Variants in PALD1 observed in about 807,000 individuals in gnomAD.
The protein encoded by PALD1 is paladin.
Under a neutral mutation model 96.0 loss-of-function variants are expected in PALD1, and 57 were observed. The observed-to-expected ratio is 0.59, with a 90% CI of 0.48 to 0.74. PALD1 has a LOEUF of 0.74. PALD1 is among the 30% of genes least tolerant of loss of function. The pLI is 0.00. For synonymous variants in PALD1, 464 were observed against 473.6 expected, an observed-to-expected ratio of 0.98 and a Z score of 0.26; for missense variants, 1,063 against 1,143.7, an observed-to-expected ratio of 0.93 and a Z score of 1.02.
intron 1 of PALD1, among the ~76,000 whole-genome samples, chr10:70,518,264 A>G (rs1846657128): frequency 6.6e-6 from 1 of 152,156 alleles, no homozygotes; most frequent in South Asian, 2.1e-4. Flanking sequence ...CAGTTGATGG[A>G]CATTAAGTTG....
At chr10:70,520,353 T>G (rs1374357174) in intron 1 of PALD1, among the ~76,000 whole-genome samples, 1 of 152,156 alleles carries the variant, frequency 6.6e-6, no homozygotes, top group Non-Finnish European at 1.5e-5. Flanking sequence ...AAACCAAGAT[T>G]GGAATGGTGA....
Position 70,525,930 on chromosome 10 carries a change from G to T in PALD1, c.-22G>T, listed in dbSNP as rs1415100414. ...CACCCTCTTATCCTACAGGTCTGGG[G>T]TCCTGAGGCTGCTGGCAGACTATGG... is the stretch of plus-strand genomic sequence containing the variant. On this transcript the variant is annotated 5_prime_UTR_variant, in exon 2 of 20. Coordinates refer to ENST00000263563, the MANE Select transcript of PALD1 (RefSeq NM_014431.3). 10 of 1,613,216 alleles carry T rather than the reference G, an allele frequency of 6.2e-6. No individual in the cohort carries two copies. Among genetic ancestry groups the T allele is most frequent in the Non-Finnish European group, 6.8e-6 (8 of 1,179,810 alleles).
Position 70,540,141 on chromosome 10 carries a change from GGTGTGTGTGTATTCTGTTACAGGT to G in PALD1, c.1908+393_1908+416del, listed in dbSNP as rs1387444816. ...GTTATAGGTGTGTGTGTGTTATCGGGGTGTGTGTGTATTCTGTTACAGGTGTGTGTGTGTATTTGTTATAAGGTG... is the reference window on the plus strand; with the variant it reads ...GTTATAGGTGTGTGTGTGTTATCGGGGTGTGTGTGTATTTGTTATAAGGTG... On this transcript the variant is annotated intron_variant, in intron 15 of 19. Coordinates refer to ENST00000263563, the MANE Select transcript of PALD1 (RefSeq NM_014431.3). This position sits in a 1 kb window ranked among gnomAD's most constrained non-coding sequence, Gnocchi z 4.2. 6.6e-6 allele frequency among the ~76,000 whole-genome samples: 1 copy of G among 151,468 alleles called. No individual in the cohort carries two copies. The highest frequency in any genetic ancestry group is 1.5e-5 in the Non-Finnish European group (1 of 67,806).
chr10:70,550,745 T>G (rs1003396865), intron 18 of PALD1, among the ~76,000 whole-genome samples: 3 of 152,248 alleles, frequency 2.0e-5, no homozygotes, highest in Admixed American at 1.3e-4. Context: ...TGTGTCTGGC[T>G]TCTTTCACTT....
chr10:70,469,473 G>A, the PALD1 span, among the ~76,000 whole-genome samples: 1 of 152,144 alleles, frequency 6.6e-6, no homozygotes, highest in Non-Finnish European at 1.5e-5. Context: ...GAGCTCCGGC[G>A]GCTGCTAGTT....
chr10:70,528,026 C>T (rs527441743), intron 2 of PALD1, among the ~76,000 whole-genome samples: 14 of 151,692 alleles, frequency 9.2e-5, no homozygotes, highest in African/African-American at 3.4e-4. Context: ...TGAGAACATG[C>T]GGTGTTTGGT....
chr10:70,527,822 G>A (rs541494478), intron 2 of PALD1, among the ~76,000 whole-genome samples: 355 of 152,110 alleles, frequency 2.3e-3, no homozygotes, highest in African/African-American at 7.2e-3. Flanking sequence ...GGGTACATGT[G>A]CACAACGTGC....
chr10:70,557,713 G>A (rs1322333439), intron 18 of PALD1, among the ~76,000 whole-genome samples: 1 of 152,140 alleles, frequency 6.6e-6, no homozygotes, highest in Non-Finnish European at 1.5e-5. Context: ...GCCAGCCCTG[G>A]AACCTGCCCT....
chr10:70,529,495 G>C (rs915494495), intron 3 of PALD1, among the ~76,000 whole-genome samples, 164 bp downstream of exon 3: 3 of 151,866 alleles, frequency 2.0e-5, no homozygotes, highest in African/African-American at 7.3e-5. Flanking sequence ...GTGATCCTCT[G>C]GTTGATTCCT....
intron 1 of PALD1, among the ~76,000 whole-genome samples, chr10:70,509,205 T>G (rs1230226084): frequency 6.6e-6 from 1 of 152,154 alleles, no homozygotes; most frequent in Non-Finnish European, 1.5e-5. Context: ...TGCTCTAAGC[T>G]TCCTAGTGTC....
At chr10:70,459,043 T>C in the PALD1 span, among the ~76,000 whole-genome samples, 2 of 152,060 alleles carry the variant, frequency 1.3e-5, no homozygotes, top group Non-Finnish European at 2.9e-5. Flanking sequence ...TCCCCCACCT[T>C]TATCCCCCGC....
intron 8 of PALD1, 120 bp downstream of exon 8, chr10:70,534,193 G>A: frequency 8.2e-7 from 1 of 1,221,410 alleles, no homozygotes; most frequent in Non-Finnish European, 1.1e-6. Context: ...TGGCATCTGG[G>A]GTTCATTTCC....
intron 18 of PALD1, among the ~76,000 whole-genome samples, chr10:70,553,434 G>A (rs189916332): frequency 1.1e-4 from 17 of 152,296 alleles, no homozygotes; most frequent in African/African-American, 3.8e-4. Flanking sequence ...AGCAGGGAGT[G>A]GGATGGGGTA....
intron 3 of PALD1, 116 bp from the exon 4 acceptor site, chr10:70,529,773 G>A: frequency 1.2e-6 from 1 of 819,308 alleles, no homozygotes. Flanking sequence ...GCAGGATCAT[G>A]TTCTTTTTGC....
chr10:70,534,443 C>A lies in PALD1; in HGVS notation c.1041C>A (p.Ala347=). 1 of 1,610,962 alleles carries A rather than the reference C, an allele frequency of 6.2e-7. No individual in the cohort carries two copies. Among genetic ancestry groups the A allele is most frequent in the Non-Finnish European group, 8.5e-7 (1 of 1,178,482 alleles). The stretch of plus-strand genomic sequence containing the variant: ...TCGACAGGGCTGCCCCCACGCAGGC[C>A]AAGCCCCTGCCTATGGAGCAGTTCC... ...TSQPEAAPTQ[A]KPLPMEQFQV... is the part of the protein sequence containing the mutation. The change falls in exon 9 of 20, where the codon GCC becomes GCA. Residue 347 remains alanine (A), a synonymous_variant. Transcript: ENST00000263563.
At position 70,539,539 on chromosome 10, in the gene PALD1, C is replaced by G. The variant is rs1483662856; in HGVS notation, c.1726-41C>G. 1 of 1,536,160 alleles carries G rather than the reference C, an allele frequency of 6.5e-7. No individual in the cohort carries two copies. The highest frequency in any genetic ancestry group is 2.0e-5 in the Admixed American group (1 of 50,106). On this transcript the variant is annotated intron_variant, in intron 14 of 19. Transcript: ENST00000263563. The surrounding 1 kb of genome is among the most constrained non-coding windows in gnomAD (Gnocchi z 4.5). ...TGGCCTTTCAGGGCTAGCCTAGAGC[C>G]TGCCCCAGTGGCCTGTGTCCTCCCT...
At chr10:70,547,182 G>A in intron 17 of PALD1, 124 bp from the exon 18 acceptor site, 1 of 808,396 alleles carries the variant, frequency 1.2e-6, no homozygotes, top group Non-Finnish European at 2.1e-6. Flanking sequence ...GAGCAGGCAG[G>A]GCTCTCTGTT....
chr10:70,559,633 CCTGA>C (rs1847695025), intron 18 of PALD1, among the ~76,000 whole-genome samples: 1 of 152,070 alleles, frequency 6.6e-6, no homozygotes, highest in East Asian at 1.9e-4. Flanking sequence ...AGTGAGGTTT[CCTGA>C]CTGACTGGCC....
At chr10:70,503,591 G>A (rs1405219528) in intron 1 of PALD1, among the ~76,000 whole-genome samples, 2 of 152,094 alleles carry the variant, frequency 1.3e-5, no homozygotes, top group Non-Finnish European at 2.9e-5. Context: ...CCTATATCAC[G>A]CCACTGCACT....
Sources: allele counts gnomAD v4.1 joint callset (sites outside exome capture counted in the v4.1 genomes callset), GRCh38; gene constraint gnomAD v4.1.1; non-coding constraint Gnocchi (gnomAD v3.1); transcripts MANE v1.5; gene names NCBI Gene and HGNC (gene_info 2026-07-23, HGNC 2026-07-21).